RAB6A: variants seen among roughly 807,000 people sequenced by gnomAD.
The protein encoded by RAB6A is RAB6A, member RAS oncogene family.
A neutral mutation model predicts 32.3 loss-of-function variants in RAB6A; 8 were observed. That is an observed-to-expected ratio of 0.25 (90% CI 0.15 to 0.45). The LOEUF (loss-of-function observed/expected upper bound fraction) is 0.45, where lower values mean the gene tolerates loss of function less well. RAB6A is among the 20% of genes least tolerant of loss of function. The pLI, the probability that RAB6A is intolerant of heterozygous loss-of-function variation, is 1.00. For synonymous variants in RAB6A, 73 were observed against 82.1 expected (o/e 0.89, Z 0.60); for missense variants, 104 against 249.4 (o/e 0.42, Z 3.93).
intron 2 of RAB6A, chr11:73,729,706 T>A (rs1946276049): frequency 6.6e-6 from 1 of 152,212 alleles, no homozygotes; most frequent in East Asian, 1.9e-4. Flanking sequence ...AGCTTTTTCA[T>A]TAGAGATAGT....
At chr11:73,748,850 C>G (rs1433873055) in intron 1 of RAB6A, among the ~76,000 whole-genome samples, 1 of 152,114 alleles carries the variant, frequency 6.6e-6, no homozygotes. Context: ...TTAGGCTGGG[C>G]GCGGTGGCTT....
rs1370589522 is a variant in RAB6A at position 73,676,722 on chromosome 11, G to A, written c.*1176C>T. 6.0e-6 allele frequency: 1 copy of A among 166,952 alleles called. No homozygotes were observed. The highest frequency in any genetic ancestry group is 1.5e-5 in the Non-Finnish European group (1 of 68,100). The allele number at this position is 166,952 out of a possible 1,614,324, so 10.3% of individuals were successfully genotyped here. On this transcript the variant is annotated 3_prime_UTR_variant, in exon 8 of 8. Transcript: ENST00000336083. Reference sequence around the variant, plus strand: ...TATGCTTTACCTGATCTGCCTCTAGGGGCTTACAAGAAAACGGTTTCCGGT... The same window carrying A: ...TATGCTTTACCTGATCTGCCTCTAGAGGCTTACAAGAAAACGGTTTCCGGT...
intron 2 of RAB6A, among the ~76,000 whole-genome samples, chr11:73,724,732 C>CT (rs1946191652): frequency 6.6e-6 from 1 of 151,972 alleles, no homozygotes; most frequent in Non-Finnish European, 1.5e-5. Context: ...GTGATCCGCC[C>CT]GCCTTGGCCT....
chr11:73,750,035 T>C (rs566261090), intron 1 of RAB6A, among the ~76,000 whole-genome samples: 1 of 152,326 alleles, frequency 6.6e-6, no homozygotes, highest in East Asian at 1.9e-4. Context: ...AAAATATTTT[T>C]TTTAAATCTG....
At chr11:73,678,932 G>A (rs1945311756) in intron 7 of RAB6A, among the ~76,000 whole-genome samples, 2 of 151,830 alleles carry the variant, frequency 1.3e-5, no homozygotes, top group Non-Finnish European at 2.9e-5. Context: ...CTCCATGTTG[G>A]TCAGGCTGGT....
chr11:73,698,291 G>A (rs1396113167), intron 6 of RAB6A, among the ~76,000 whole-genome samples: 1 of 152,148 alleles, frequency 6.6e-6, no homozygotes, highest in African/African-American at 2.4e-5. Flanking sequence ...GGATAAATTG[G>A]GGTGAGGTTA....
chr11:73,748,475 G>T (rs959081880), intron 1 of RAB6A, among the ~76,000 whole-genome samples: 16 of 152,030 alleles, frequency 1.1e-4, no homozygotes, highest in Non-Finnish European at 5.9e-5. Flanking sequence ...CTGCACCACT[G>T]GAATCCAGCC....
In RAB6A at chr11:73,755,387, G is replaced by A. The variant is rs942488208; in HGVS notation, c.70+5179C>T. Among the ~76,000 whole-genome samples the A allele has an allele frequency of 4.0e-5, 6 of 151,890 alleles. No homozygotes were observed. In the East Asian group the frequency reaches 9.8e-4, roughly 25 times the overall value. ...TGGCTCACTGCAACCTCCACCTCCC[G>A]AGTTCAAGCAATGCTCCTGCCTCAG... On this transcript the variant is annotated intron_variant, in intron 1 of 7. Transcript: ENST00000336083.
chr11:73,714,749 C>T lies in RAB6A; in HGVS notation c.401+1502G>A, dbSNP rs973560020. ...TTGGGAGGCTGAGGCGGGTGGATCA[C>T]GAGGTCAGGAGTTCAAGATCAGCCT... On this transcript the variant is annotated intron_variant, in intron 5 of 7. Coordinates refer to ENST00000336083, the MANE Select transcript of RAB6A (RefSeq NM_198896.2). 5.3e-5 allele frequency among the ~76,000 whole-genome samples: 8 copies of T among 151,878 alleles called. No homozygotes were observed. The East Asian group carries it at 9.7e-4, about 18-fold the overall frequency.
chr11:73,740,067 GAA>G (rs58800693), intron 1 of RAB6A, among the ~76,000 whole-genome samples: 3 of 88,134 alleles, frequency 3.4e-5, no homozygotes, highest in African/African-American at 8.4e-5. Flanking sequence ...TCAAAAAAAA[GAA>G]AAAAAAAAAA....
intron 1 of RAB6A, among the ~76,000 whole-genome samples, chr11:73,731,774 G>A (rs1180286987): frequency 8.1e-6 from 1 of 122,798 alleles, no homozygotes; most frequent in Non-Finnish European, 1.7e-5. Flanking sequence ...AGACAGTCTC[G>A]CTCTGTTGCC....
At chr11:73,734,997 A>G (rs1946372677) in intron 1 of RAB6A, among the ~76,000 whole-genome samples, 1 of 152,234 alleles carries the variant, frequency 6.6e-6, no homozygotes, top group Admixed American at 6.5e-5. Context: ...ATGTTTAAAT[A>G]TAAAATTTTG....
chr11:73,756,068 A>G (rs576253154), intron 1 of RAB6A, among the ~76,000 whole-genome samples: 1 of 152,254 alleles, frequency 6.6e-6, no homozygotes, highest in African/African-American at 2.4e-5. Flanking sequence ...AATGTTCAGT[A>G]CTGGCCAGGC....
intron 1 of RAB6A, 92 bp from the exon 2 acceptor site, chr11:73,730,915 T>C (rs1196626047): frequency 1.2e-6 from 1 of 851,076 alleles, no homozygotes; most frequent in Admixed American, 2.5e-5. Flanking sequence ...TTAAAGTCAA[T>C]GGGAAATACC....
chr11:73,705,767 TGAGA>T lies in RAB6A; in HGVS notation c.495+1649_495+1652del, dbSNP rs3046616. On this transcript the variant is annotated intron_variant, in intron 6 of 7. Coordinates refer to ENST00000336083, the MANE Select transcript of RAB6A (RefSeq NM_198896.2). ...AGGTTCTGGGAATATATAATTCCGA[TGAGA>T]GAGAGAGAGAGAGAGAGAGAGAGAG... Among the ~76,000 whole-genome samples the T allele has an allele frequency of 3.6e-3, 479 of 134,778 alleles. 1 individual carries two copies. The Middle Eastern group carries it at 0.046, about 13-fold the overall frequency. The allele number at this position is 134,778 out of a possible 152,430, so 88.4% of individuals were successfully genotyped here.
At chr11:73,691,241 G>A (rs1945556133) in intron 6 of RAB6A, among the ~76,000 whole-genome samples, 1 of 152,206 alleles carries the variant, frequency 6.6e-6, no homozygotes, top group African/African-American at 2.4e-5. Context: ...GGGTCATCCT[G>A]GTGGGAAACT....
rs144874811 is a variant in RAB6A, at chr11:73,681,035, AATT to A, written c.496-1318_496-1316del. Among the ~76,000 whole-genome samples, 1,115 of 152,292 alleles carry A rather than the reference AATT, an allele frequency of 7.3e-3. 12 individuals are homozygous for A. Among genetic ancestry groups the A allele is most frequent in the African/African-American group, 0.026 (1,072 of 41,560 alleles). On this transcript the variant is annotated intron_variant, in intron 6 of 7. Coordinates refer to ENST00000336083, the MANE Select transcript of RAB6A (RefSeq NM_198896.2). ...GCCAGTGAAACTGCCTGATTATTTC[AATT>A]ATTTATCTTTTAATTAAGCACACAG...
chr11:73,680,414 T>C (rs1479889490), intron 6 of RAB6A, among the ~76,000 whole-genome samples: 1 of 152,214 alleles, frequency 6.6e-6, no homozygotes, highest in African/African-American at 2.4e-5. Flanking sequence ...CCCAGCACTT[T>C]GGGAGGCCAA....
chr11:73,678,244 C>T (rs1309014712), intron 7 of RAB6A, among the ~76,000 whole-genome samples: 1 of 152,176 alleles, frequency 6.6e-6, no homozygotes, highest in East Asian at 1.9e-4. Flanking sequence ...AGATGATGTT[C>T]CTCATAGAAT....
Sources: allele counts gnomAD v4.1 joint callset (sites outside exome capture counted in the v4.1 genomes callset), GRCh38; gene constraint gnomAD v4.1.1; transcripts MANE v1.5; gene names NCBI Gene and HGNC (gene_info 2026-07-23, HGNC 2026-07-21).